PCDHA12: variants seen among roughly 807,000 people sequenced by gnomAD.
PCDHA12 encodes protocadherin alpha-12.
A neutral mutation model predicts 60.0 loss-of-function variants in PCDHA12; 44 were observed. That is an observed-to-expected ratio of 0.73 (90% CI 0.58 to 0.94). The LOEUF is 0.94. Among genes scored for constraint, PCDHA12 ranks in the 40% least tolerant of loss-of-function variants. PCDHA12 has a pLI of 0.00. For missense variants in PCDHA12, 1,276 were observed against 1,239.7 expected (o/e 1.03, Z -0.44); for synonymous variants, 569 against 553.0 (o/e 1.03, Z -0.40).
At position 141,010,070 on chromosome 5, in the gene PCDHA12, C is replaced by A. The variant is rs1331011642; in HGVS notation, c.*133C>A. The A allele has an allele frequency of 3.7e-5, 60 of 1,605,422 alleles. No individual in the cohort carries two copies. Among genetic ancestry groups the A allele is most frequent in the Non-Finnish European group, 5.0e-5 (59 of 1,175,768 alleles). ...AGACCTCAGAAATCTGCAGAAAGTT[C>A]CCTGTGTCTGTCTAGAACGCATTTA... is the stretch of plus-strand genomic sequence containing the variant. On this transcript the variant is annotated 3_prime_UTR_variant, in exon 4 of 4. Coordinates refer to ENST00000398631, the MANE Select transcript of PCDHA12 (RefSeq NM_018903.4).
rs1316555766 is a variant in PCDHA12, at chr5:141,011,101, T to C, written c.*1164T>C. 1.3e-5 allele frequency: 2 copies of C among 153,710 alleles called. No homozygotes were observed. The highest frequency in any genetic ancestry group is 2.9e-5 in the Non-Finnish European group (2 of 68,016). The allele number at this position is 153,710 out of a possible 1,614,324, so 9.5% of individuals were successfully genotyped here. A position where few individuals can be genotyped will look rare whatever the true frequency, so the allele number is the denominator to read the frequency against. On this transcript the variant is annotated 3_prime_UTR_variant, in exon 4 of 4. Coordinates refer to ENST00000398631, the MANE Select transcript of PCDHA12 (RefSeq NM_018903.4). ...AATGATCTCTCTTTCTCTCTCTCTC[T>C]CTCTTTTCTAAGAAACAATTATGTG...
chr5:140,995,237 T>G (rs1242320046), intron 3 of PCDHA12, among the ~76,000 whole-genome samples: 1 of 152,148 alleles, frequency 6.6e-6, no homozygotes, highest in African/African-American at 2.4e-5. Context: ...GGGCCAGTAT[T>G]AAGTAAAATA....
At chr5:140,928,032 TAGTGC>T (rs782031018) in intron 1 of PCDHA12, 7 of 1,614,216 alleles carry the variant, frequency 4.3e-6, no homozygotes, top group Non-Finnish European at 5.9e-6. Context: ...GTGGCATGTC[TAGTGC>T]AGGCCCTTTT....
intron 3 of PCDHA12, among the ~76,000 whole-genome samples, chr5:140,992,665 T>A (rs1219714191): frequency 2.6e-5 from 4 of 152,096 alleles, no homozygotes; most frequent in Non-Finnish European, 5.9e-5. Context: ...CTGATTGGTG[T>A]GTATGTGTGT....
intron 1 of PCDHA12, among the ~76,000 whole-genome samples, chr5:140,973,261 C>G (rs1162687249): frequency 6.6e-6 from 1 of 152,156 alleles, no homozygotes; most frequent in African/African-American, 2.4e-5. Flanking sequence ...TCAGTGGCAC[C>G]TACTTTTATT....
intron 1 of PCDHA12, among the ~76,000 whole-genome samples, chr5:140,898,648 G>T (rs1436511217): frequency 8.5e-5 from 13 of 152,136 alleles, no homozygotes; most frequent in African/African-American, 3.1e-4. Context: ...TGTTCTTTTG[G>T]CTTAGGATTG....
rs782573528 is a variant in PCDHA12, at chr5:140,876,185, A to AC, written c.713_714insC (p.Gly239TrpfsTer5). ...ATAACCGTCCTGGATGTGAATGACAATGGTCCGGCGTTTGATAAGCCCAGC... is the reference window on the plus strand; with the variant it reads ...ATAACCGTCCTGGATGTGAATGACAACTGGTCCGGCGTTTGATAAGCCCAGC... On this transcript the variant is annotated frameshift_variant, in exon 1 of 4. Coordinates refer to ENST00000398631, the MANE Select transcript of PCDHA12 (RefSeq NM_018903.4). LOFTEE classifies it high-confidence loss of function. 1 of 1,613,986 alleles carries AC rather than the reference A, an allele frequency of 6.2e-7. No individual in the cohort carries two copies. Among genetic ancestry groups the AC allele is most frequent in the East Asian group, 2.2e-5 (1 of 44,882 alleles).
rs1554168112 is a variant in PCDHA12, at chr5:140,875,947, G to C, written c.475G>C (p.Asp159His). 1 of 1,614,184 alleles carries C rather than the reference G, an allele frequency of 6.2e-7. No individual in the cohort carries two copies. Among genetic ancestry groups the C allele is most frequent in the Admixed American group, 1.7e-5 (1 of 60,034 alleles). ...DSHFPLEGAS[D>H]ADIGVNSLLT... Reference sequence around the variant, plus strand: ...TCATTTTCCTCTAGAGGGCGCTTCTGATGCGGATATCGGCGTAAACTCTCT... The same window carrying C: ...TCATTTTCCTCTAGAGGGCGCTTCTCATGCGGATATCGGCGTAAACTCTCT... The change falls in exon 1 of 4, where the codon GAT (aspartate) becomes CAT (histidine). Residue 159 changes from aspartate (D) to histidine (H), a missense_variant. Asp to His is a moderately conservative substitution (Grantham distance 81). Coordinates refer to ENST00000398631, the MANE Select transcript of PCDHA12 (RefSeq NM_018903.4).
Position 140,982,555 on chromosome 5 carries a change from C to T in PCDHA12, c.2507C>T (p.Ala836Val). The change falls in exon 3 of 4, where the codon GCA becomes GTA. Residue 836 changes from alanine (A) to valine (V), a missense_variant. Transcript: ENST00000398631. Reference sequence around the variant, plus strand: ...CAGCAGTGGCCAACAGTATCCAGTGCAACACCAGGTAAAGAGCTGGGGTCT... The same window carrying T: ...CAGCAGTGGCCAACAGTATCCAGTGTAACACCAGGTAAAGAGCTGGGGTCT... Reference protein sequence around the residue: ...PDQQWPTVSSATPEPEAGEVS... With the variant: ...PDQQWPTVSSVTPEPEAGEVS... The T allele has an allele frequency of 6.2e-7, 1 of 1,614,108 alleles. No homozygotes were observed. The highest frequency in any genetic ancestry group is 8.5e-7 in the Non-Finnish European group (1 of 1,179,990).
chr5:140,925,427 G>A (rs1394500937), intron 1 of PCDHA12, among the ~76,000 whole-genome samples: 2 of 152,012 alleles, frequency 1.3e-5, no homozygotes, highest in Non-Finnish European at 2.9e-5. Context: ...CTGGTTGTAG[G>A]GTGTTAGGCA....
At chr5:140,884,035 C>A (rs782637499) in intron 1 of PCDHA12, 1 of 1,613,396 alleles carries the variant, frequency 6.2e-7, no homozygotes, top group South Asian at 1.1e-5. Context: ...GTGCAGGCCA[C>A]GTGGTGGCGA....
intron 3 of PCDHA12, among the ~76,000 whole-genome samples, chr5:141,003,504 G>A (rs1336599901): frequency 9.2e-5 from 14 of 152,020 alleles, no homozygotes; most frequent in African/African-American, 3.4e-4. Context: ...GTAGAGATGG[G>A]GTTTCACCAT....
At chr5:140,963,397 G>A (rs1190925238) in intron 1 of PCDHA12, among the ~76,000 whole-genome samples, 1 of 152,160 alleles carries the variant, frequency 6.6e-6, no homozygotes, top group Admixed American at 6.5e-5. Context: ...GCTCCCTACT[G>A]GATGCTGTAG....
Position 140,876,828 on chromosome 5 carries a change from G to T in PCDHA12, c.1356G>T (p.Ala452=). 2 of 1,614,170 alleles carry T rather than the reference G, an allele frequency of 1.2e-6. No individual in the cohort carries two copies. Among genetic ancestry groups the T allele is most frequent in the Non-Finnish European group, 1.7e-6 (2 of 1,180,008 alleles). ...SVEVADVNDN[A]PAFAQPEYTV... ...AGGTGGCCGACGTGAACGACAATGCGCCTGCGTTCGCGCAGCCCGAGTACA... is the reference window on the plus strand; with the variant it reads ...AGGTGGCCGACGTGAACGACAATGCTCCTGCGTTCGCGCAGCCCGAGTACA... Residue 452 remains alanine (A), a synonymous_variant, in exon 1 of 4, where the codon GCG becomes GCT. Coordinates refer to ENST00000398631, the MANE Select transcript of PCDHA12 (RefSeq NM_018903.4).
intron 1 of PCDHA12, chr5:140,968,839 T>C (rs1426943047): frequency 1.3e-5 from 21 of 1,614,052 alleles, no homozygotes; most frequent in Non-Finnish European, 1.7e-5. Flanking sequence ...TCCCTGACAC[T>C]CAGAGGCATG....
rs1161459762 is a variant in PCDHA12, at chr5:140,884,196, C to A, written c.2367+6357C>A. 1.9e-6 allele frequency: 3 copies of A among 1,613,298 alleles called. No homozygotes were observed. The African/African-American group carries it at 4.0e-5, about 22-fold the overall frequency. On this transcript the variant is annotated intron_variant, in intron 1 of 3. Coordinates refer to ENST00000398631, the MANE Select transcript of PCDHA12 (RefSeq NM_018903.4). ...CGCCCTCTGGACGAGGTGGACGCGCCGCACCACCGCCTTCTGGTGCTGGTG... is the reference window on the plus strand; with the variant it reads ...CGCCCTCTGGACGAGGTGGACGCGCAGCACCACCGCCTTCTGGTGCTGGTG...
intron 1 of PCDHA12, among the ~76,000 whole-genome samples, chr5:140,969,822 G>C (rs559271640): frequency 2.0e-5 from 3 of 152,202 alleles, no homozygotes; most frequent in Non-Finnish European, 4.4e-5. Context: ...ACTCTGGACT[G>C]TCTACAGTGG....
intron 1 of PCDHA12, chr5:140,928,245 A>G: frequency 2.5e-6 from 4 of 1,614,192 alleles, no homozygotes; most frequent in Non-Finnish European, 8.5e-7. Context: ...CCCAGCAGGA[A>G]CTTTTCGTTG....
intron 1 of PCDHA12, among the ~76,000 whole-genome samples, chr5:140,943,172 C>T (rs1370908273): frequency 2.7e-5 from 4 of 148,068 alleles, no homozygotes; most frequent in African/African-American, 1.0e-4. Context: ...GCAGGAAAAT[C>T]GCTTGAACCC....
Sources: allele counts gnomAD v4.1 joint callset (sites outside exome capture counted in the v4.1 genomes callset), GRCh38; gene constraint gnomAD v4.1.1; transcripts MANE v1.5; gene names NCBI Gene and HGNC (gene_info 2026-07-23, HGNC 2026-07-21).